Variants in BICD1 observed in about 807,000 individuals in gnomAD.
The protein encoded by BICD1 is BICD cargo adaptor 1.
In BICD1, 35 loss-of-function variants were observed where a neutral mutation model predicts 92.5. The ratio of observed to expected loss-of-function variants is 0.38; its 90% CI spans 0.29 to 0.50. The LOEUF (loss-of-function observed/expected upper bound fraction) is 0.50, where lower values mean the gene tolerates loss of function less well. BICD1 is among the 20% of genes least tolerant of loss of function. BICD1 has a pLI of 0.93. For synonymous variants in BICD1, 429 were observed against 465.1 expected (o/e 0.92, Z 1.00); for missense variants, 950 against 1,189.8 (o/e 0.80, Z 2.97).
chr12:32,146,695 G>A (rs777962788), intron 1 of BICD1, among the ~76,000 whole-genome samples: 4 of 152,168 alleles, frequency 2.6e-5, no homozygotes, highest in African/African-American at 7.2e-5. Flanking sequence ...CAGAGCCCAC[G>A]AAGTGTGGCC....
At chr12:32,158,994 C>T (rs1426532143) in intron 1 of BICD1, among the ~76,000 whole-genome samples, 1 of 152,070 alleles carries the variant, frequency 6.6e-6, no homozygotes, top group Non-Finnish European at 1.5e-5. Context: ...AATGCAGTGG[C>T]ACAATCTCAG....
intron 1 of BICD1, among the ~76,000 whole-genome samples, chr12:32,174,825 C>T (rs1021095495): frequency 1.3e-5 from 2 of 152,122 alleles, no homozygotes; most frequent in Non-Finnish European, 2.9e-5. Flanking sequence ...TTAAATCATT[C>T]AGATCTGAAA....
chr12:32,110,443 G>T (rs1188724048), intron 1 of BICD1, among the ~76,000 whole-genome samples: 1 of 152,178 alleles, frequency 6.6e-6, no homozygotes, highest in Non-Finnish European at 1.5e-5. Context: ...CATCATCAAA[G>T]TGTTCTCCTT....
chr12:32,118,188 T>G (rs918032339), intron 1 of BICD1, among the ~76,000 whole-genome samples: 1 of 151,974 alleles, frequency 6.6e-6, no homozygotes, highest in South Asian at 2.1e-4. Context: ...GTTCATGCCA[T>G]TCTCCTGTCT....
At position 32,243,184 on chromosome 12, in the gene BICD1, A is replaced by G. The variant is rs999249445; in HGVS notation, c.426+26725A>G. 1.8e-4 allele frequency among the ~76,000 whole-genome samples: 27 copies of G among 148,702 alleles called. 1 individual carries two copies. Among genetic ancestry groups the G allele is most frequent in the Non-Finnish European group, 8.9e-5 (6 of 67,536 alleles). On this transcript the variant is annotated intron_variant, in intron 2 of 9. Coordinates refer to ENST00000652176, the MANE Select transcript of BICD1 (RefSeq NM_001714.4). ...ACGATCTTGGCTCACTGCAACCTCC[A>G]CCTCCCAGGCTCAAGAGATCCTCCC...
intron 2 of BICD1, among the ~76,000 whole-genome samples, chr12:32,275,424 T>C (rs1167672518): frequency 6.6e-6 from 1 of 152,126 alleles, no homozygotes; most frequent in Non-Finnish European, 1.5e-5. Flanking sequence ...TTTTTATAAT[T>C]TCTGGGTCTG....
chr12:32,211,683 T>C (rs772010250), intron 1 of BICD1, among the ~76,000 whole-genome samples: 3 of 144,252 alleles, frequency 2.1e-5, no homozygotes, highest in African/African-American at 7.9e-5. Flanking sequence ...TTCCTGTACA[T>C]AGAAATGGGG....
intron 2 of BICD1, among the ~76,000 whole-genome samples, chr12:32,271,669 A>G (rs892406587): frequency 1.2e-4 from 18 of 152,114 alleles, no homozygotes; most frequent in African/African-American, 4.1e-4. Context: ...TGTATAAACA[A>G]TCCTCAAACC....
intron 8 of BICD1, chr12:32,340,490 A>T (rs1026397313): frequency 1.0e-6 from 1 of 983,780 alleles, no homozygotes; most frequent in Non-Finnish European, 1.2e-6. Context: ...ATTTAGTAGC[A>T]CTATCTACTG....
rs751008589 is a variant in BICD1, at chr12:32,337,161, C to T, written c.2253-338C>T. On this transcript the variant is annotated intron_variant, in intron 6 of 9. Coordinates refer to ENST00000652176, the MANE Select transcript of BICD1 (RefSeq NM_001714.4). The surrounding 1 kb of genome is among the most constrained non-coding windows in gnomAD (Gnocchi z 4.7). ...ACTCGGCAGGCTGAGGCATGAGAAT[C>T]GCTTGAACCTGGGAGGCAGAGGTTA... Among the ~76,000 whole-genome samples the T allele has an allele frequency of 2.2e-4, 34 of 152,096 alleles. No homozygotes were observed. The highest frequency in any genetic ancestry group is 4.6e-4 in the Admixed American group (7 of 15,274).
chr12:32,265,547 GAA>G (rs11341415), intron 2 of BICD1, among the ~76,000 whole-genome samples: 45,194 of 125,574 alleles, frequency 0.36, 7,793 homozygotes, highest in Middle Eastern at 0.46. Context: ...CGTTTCTACA[GAA>G]AAAAAAAAAA....
chr12:32,377,463 A>G (rs1940016562), intron 9 of BICD1, 77 bp from the exon 10 acceptor site: 2 of 1,139,382 alleles, frequency 1.8e-6, no homozygotes, highest in African/African-American at 3.0e-5. Flanking sequence ...ATGCAAAAAT[A>G]TCTCGTCTAA....
intron 8 of BICD1, among the ~76,000 whole-genome samples, chr12:32,344,750 A>C (rs1938505557): frequency 6.6e-6 from 1 of 152,114 alleles, no homozygotes; most frequent in Non-Finnish European, 1.5e-5. Flanking sequence ...TGTACTTTAT[A>C]ATTTATATTT....
chr12:32,212,758 T>A (rs1945254828), intron 1 of BICD1, among the ~76,000 whole-genome samples: 1 of 152,182 alleles, frequency 6.6e-6, no homozygotes, highest in South Asian at 2.1e-4. Flanking sequence ...TGTAATAAAA[T>A]CACAAGTTAT....
intron 2 of BICD1, among the ~76,000 whole-genome samples, chr12:32,283,082 G>GT (rs1332930584): frequency 1.3e-5 from 2 of 152,080 alleles, no homozygotes; most frequent in Admixed American, 1.3e-4. Context: ...TCTCCTTGGG[G>GT]TTTTTTTCCC....
chr12:32,350,149 T>C (rs1298173495), intron 8 of BICD1, among the ~76,000 whole-genome samples: 1 of 152,166 alleles, frequency 6.6e-6, no homozygotes, highest in African/African-American at 2.4e-5. Flanking sequence ...AGAATGTTCA[T>C]GGAAGGCCCA....
At chr12:32,322,112 T>C (rs1297800722) in intron 4 of BICD1, among the ~76,000 whole-genome samples, 1 of 152,180 alleles carries the variant, frequency 6.6e-6, no homozygotes, top group Non-Finnish European at 1.5e-5. Flanking sequence ...AATACAGTGT[T>C]GGAGTTTTAC....
intron 1 of BICD1, among the ~76,000 whole-genome samples, chr12:32,172,546 C>G (rs11051830): frequency 0.12 from 17,647 of 152,210 alleles, 1,329 homozygotes; most frequent in East Asian, 0.29. Context: ...CCCCTATTCT[C>G]TTATCAGTCA....
chr12:32,365,128 TC>T (rs1298644375), intron 8 of BICD1, among the ~76,000 whole-genome samples: 2 of 152,054 alleles, frequency 1.3e-5, no homozygotes, highest in Non-Finnish European at 2.9e-5. Context: ...TCCCAACTAC[TC>T]GGGAGGCTGA....
Sources: allele counts gnomAD v4.1 joint callset (sites outside exome capture counted in the v4.1 genomes callset), GRCh38; gene constraint gnomAD v4.1.1; non-coding constraint Gnocchi (gnomAD v3.1); transcripts MANE v1.5; gene names NCBI Gene and HGNC (gene_info 2026-07-23, HGNC 2026-07-21).